Variants in PHF24 observed in about 807,000 individuals in gnomAD.
PHF24 encodes PHD finger protein 24.
In PHF24, 25 loss-of-function variants were observed where a neutral mutation model predicts 42.6. That is an observed-to-expected ratio of 0.59 (90% CI 0.43 to 0.82). The LOEUF is 0.82. Among genes scored for constraint, PHF24 ranks in the 40% least tolerant of loss-of-function variants. PHF24 has a pLI of 0.00. For missense variants in PHF24, 470 were observed against 538.1 expected, an observed-to-expected ratio of 0.87 and a Z score of 1.25; for synonymous variants, 185 against 204.8, an observed-to-expected ratio of 0.90 and a Z score of 0.83.
the PHF24 span, among the ~76,000 whole-genome samples, chr9:34,677,389 G>GTTTTTTTTTTTTTTTT: frequency 3.0e-4 from 24 of 79,776 alleles, 2 homozygotes; most frequent in African/African-American, 1.0e-3. Context: ...TTTGTAAACT[G>GTTTTTTTTTTTTTTTT]TTTTTTTTTT....
chr9:34,940,701 G>A, the PHF24 span, among the ~76,000 whole-genome samples: 2 of 152,200 alleles, frequency 1.3e-5, no homozygotes, highest in Non-Finnish European at 1.5e-5. Flanking sequence ...TGGTAATCAT[G>A]CCGTTGGTAA....
chr9:34,809,994 GCACGCGCCGCCGCCGCC>G, the PHF24 span, among the ~76,000 whole-genome samples: 436 of 150,394 alleles, frequency 2.9e-3, 1 homozygote, highest in African/African-American at 9.4e-3. This position sits in a 1 kb window ranked among gnomAD's most constrained non-coding sequence, Gnocchi z 4.1. Flanking sequence ...TCGCGTGGGC[GCACGCGCCGCCGCCGCC>G]CACGCGCCGC....
chr9:34,913,763 G>A, the PHF24 span, among the ~76,000 whole-genome samples: 5 of 152,286 alleles, frequency 3.3e-5, no homozygotes, highest in South Asian at 4.1e-4. Flanking sequence ...TCAGGGCACA[G>A]TAGGTAAAGA....
the PHF24 span, among the ~76,000 whole-genome samples, chr9:34,765,091 A>G: frequency 6.6e-6 from 1 of 151,594 alleles, no homozygotes; most frequent in Non-Finnish European, 1.5e-5. Flanking sequence ...CTGTTCTTTT[A>G]CATTTGCTGA....
At chr9:34,728,101 G>A in the PHF24 span, 40 of 1,550,436 alleles carry the variant, frequency 2.6e-5, no homozygotes, top group Non-Finnish European at 3.1e-5. Context: ...CGGGGAGACA[G>A]TGTTATATGG....
the PHF24 span, among the ~76,000 whole-genome samples, chr9:34,788,651 A>G: frequency 6.6e-6 from 1 of 152,188 alleles, no homozygotes; most frequent in African/African-American, 2.4e-5. Flanking sequence ...CCCTACTACT[A>G]GCTTCAGTTA....
At chr9:34,924,204 C>G in the PHF24 span, among the ~76,000 whole-genome samples, 1 of 152,096 alleles carries the variant, frequency 6.6e-6, no homozygotes. Context: ...TTTAAGACTT[C>G]TTTTGTGGCC....
chr9:34,769,007 A>G, the PHF24 span, among the ~76,000 whole-genome samples: 43,251 of 152,166 alleles, frequency 0.28, 6,535 homozygotes, highest in Admixed American at 0.34. Flanking sequence ...ATTAGAAGAT[A>G]TATTGGAGAA....
At chr9:34,855,871 G>A in the PHF24 span, among the ~76,000 whole-genome samples, 1 of 152,220 alleles carries the variant, frequency 6.6e-6, no homozygotes, top group East Asian at 1.9e-4. Context: ...CATGTTTTCT[G>A]ACTTGTTTTC....
chr9:34,918,433 A>T, the PHF24 span: 1 of 534,306 alleles, frequency 1.9e-6, no homozygotes, highest in Admixed American at 3.1e-5. Context: ...ATCATGGGGA[A>T]TTTTTCCTAT....
the PHF24 span, among the ~76,000 whole-genome samples, chr9:34,848,828 AT>A: frequency 3.9e-5 from 6 of 152,124 alleles, no homozygotes; most frequent in East Asian, 5.8e-4. Flanking sequence ...TTCAAAGAAC[AT>A]TTTTATTTCT....
At chr9:34,772,729 G>A in the PHF24 span, among the ~76,000 whole-genome samples, 1 of 152,196 alleles carries the variant, frequency 6.6e-6, no homozygotes, top group African/African-American at 2.4e-5. Flanking sequence ...TCTTACGACT[G>A]GAGTGGGAAT....
At chr9:34,918,395 A>C in the PHF24 span, 10 of 595,772 alleles carry the variant, frequency 1.7e-5, no homozygotes, top group Admixed American at 2.9e-5. Context: ...CGAAGGGTGA[A>C]TACCAAGGTC....
At chr9:34,850,334 C>T in the PHF24 span, among the ~76,000 whole-genome samples, 3 of 152,124 alleles carry the variant, frequency 2.0e-5, no homozygotes, top group Non-Finnish European at 2.9e-5. Context: ...CTTCCCTTCT[C>T]GCTTCATTTC....
the PHF24 span, among the ~76,000 whole-genome samples, chr9:34,936,588 G>A: frequency 6.7e-6 from 1 of 149,140 alleles, no homozygotes; most frequent in Non-Finnish European, 1.5e-5. Flanking sequence ...AGTGAGGAGC[G>A]TCTCTGCCCT....
the PHF24 span, among the ~76,000 whole-genome samples, chr9:34,936,074 C>G: frequency 6.7e-6 from 1 of 149,484 alleles, no homozygotes; most frequent in Non-Finnish European, 1.5e-5. Flanking sequence ...CCTCTCCCCA[C>G]GGTCTCCCTC....
chr9:34,835,816 T>C, the PHF24 span: 1 of 1,490,778 alleles, frequency 6.7e-7, no homozygotes, highest in Non-Finnish European at 9.2e-7. Context: ...CAGTGAAAGC[T>C]CTCTGATATT....
At chr9:34,772,436 G>C in the PHF24 span, among the ~76,000 whole-genome samples, 3 of 152,134 alleles carry the variant, frequency 2.0e-5, no homozygotes, top group Admixed American at 6.6e-5. Flanking sequence ...AACCTAAAAG[G>C]CTAAGGACTT....
At chr9:34,891,162 C>G in the PHF24 span, among the ~76,000 whole-genome samples, 2 of 152,188 alleles carry the variant, frequency 1.3e-5, no homozygotes, top group Admixed American at 6.5e-5. Context: ...CAGCATCTGG[C>G]AAGCCCTGTT....
Sources: gnomAD v4.1 joint callset for allele counts (sites outside exome capture counted in the v4.1 genomes callset) on GRCh38, gnomAD v4.1.1 for gene constraint, Gnocchi (gnomAD v3.1) non-coding constraint, MANE v1.5 for transcripts, NCBI Gene and HGNC (gene_info 2026-07-23, HGNC 2026-07-21) for gene names.